Variants in MEGF6 observed in about 807,000 individuals in gnomAD.
The protein encoded by MEGF6 is multiple EGF like domains 6, also known as multiple epidermal growth factor-like domains protein 6.
In MEGF6, 184 loss-of-function variants were observed where a neutral mutation model predicts 207.1. That is an observed-to-expected ratio of 0.89 (90% CI 0.79 to 1.00). The LOEUF (loss-of-function observed/expected upper bound fraction) is 1.00. Ranked by LOEUF, MEGF6 falls within the 50% of genes least tolerant of loss-of-function variation. MEGF6 has a pLI of 0.00. For missense variants in MEGF6, 2,282 were observed against 2,202.9 expected (o/e 1.04, Z -0.72); for synonymous variants, 1,038 against 910.0 (o/e 1.14, Z -2.53).
intron 3 of MEGF6, among the ~76,000 whole-genome samples, chr1:3,581,129 C>G (rs926441332): frequency 6.6e-6 from 1 of 152,158 alleles, no homozygotes; most frequent in African/African-American, 2.4e-5. Context: ...ATGACCGGCT[C>G]GGGCTTCAGG....
intron 4 of MEGF6, among the ~76,000 whole-genome samples, chr1:3,553,014 TC>T (rs1159412337): frequency 6.6e-6 from 1 of 151,822 alleles, no homozygotes; most frequent in Non-Finnish European, 1.5e-5. Context: ...CAGCCCCTAA[TC>T]CCCTCCAGAC....
At position 3,494,137 on chromosome 1, in the gene MEGF6, G is replaced by A. The variant is rs754913156; in HGVS notation, c.4130-13C>T. ...CCAGGGGGACAGGCTGAAGGACGCC[G>A]GTTACCACGAGACAAGGGCACACGG... On this transcript the variant is annotated splice_polypyrimidine_tract_variant and intron_variant, in intron 32 of 36. Coordinates refer to ENST00000356575, the MANE Select transcript of MEGF6 (RefSeq NM_001409.4). 1.9e-5 allele frequency: 30 copies of A among 1,541,772 alleles called. No individual in the cohort carries two copies. Among genetic ancestry groups the A allele is most frequent in the Admixed American group, 1.4e-4 (7 of 50,962 alleles).
chr1:3,520,948 T>C (rs1460945359), intron 5 of MEGF6, among the ~76,000 whole-genome samples: 1 of 152,074 alleles, frequency 6.6e-6, no homozygotes, highest in African/African-American at 2.4e-5. Flanking sequence ...CCCTGAGAGC[T>C]CTGGCCCCAT....
intron 4 of MEGF6, among the ~76,000 whole-genome samples, chr1:3,569,050 G>A (rs547549444): frequency 1.3e-5 from 2 of 152,324 alleles, no homozygotes; most frequent in African/African-American, 4.8e-5. Context: ...GGGTCTGCCA[G>A]AGGCCAGGGC....
chr1:3,520,554 G>A (rs556646037), intron 5 of MEGF6, among the ~76,000 whole-genome samples: 2 of 152,128 alleles, frequency 1.3e-5, no homozygotes, highest in Non-Finnish European at 2.9e-5. Flanking sequence ...GAGACCGGGC[G>A]CCCTGGGCAA....
intron 5 of MEGF6, among the ~76,000 whole-genome samples, chr1:3,521,934 G>T (rs980248095): frequency 6.6e-6 from 1 of 152,172 alleles, no homozygotes; most frequent in Non-Finnish European, 1.5e-5. Flanking sequence ...CAGGCCAGGG[G>T]TCGCCAGGCC....
chr1:3,498,087 G>A (rs1374272374), intron 26 of MEGF6, among the ~76,000 whole-genome samples: 4 of 152,230 alleles, frequency 2.6e-5, no homozygotes, highest in South Asian at 2.1e-4. Context: ...AAACAGGAAC[G>A]GCCCCCTGAG....
intron 7 of MEGF6, 63 bp from the exon 8 acceptor site, chr1:3,512,191 G>A: frequency 3.9e-6 from 6 of 1,534,008 alleles, no homozygotes; most frequent in Middle Eastern, 1.8e-4. Context: ...CATGGGACCA[G>A]TGGAAGACAG....
At chr1:3,538,842 G>A (rs773947569) in intron 4 of MEGF6, among the ~76,000 whole-genome samples, 1 of 152,106 alleles carries the variant, frequency 6.6e-6, no homozygotes, top group African/African-American at 2.4e-5. Context: ...CACAGCACCC[G>A]CTGGGGATGT....
At chr1:3,606,366 A>G (rs1019484661) in intron 1 of MEGF6, among the ~76,000 whole-genome samples, 4 of 152,158 alleles carry the variant, frequency 2.6e-5, no homozygotes, top group African/African-American at 9.7e-5. Context: ...GCTGGAGCAC[A>G]CTCAAGCTTG....
Position 3,494,848 on chromosome 1 carries a change from C to T in MEGF6, c.3872-107G>A, listed in dbSNP as rs966446219. 175 of 1,419,474 alleles carry T rather than the reference C, an allele frequency of 1.2e-4. 1 individual carries two copies. Among genetic ancestry groups the T allele is most frequent in the Non-Finnish European group, 1.6e-4 (173 of 1,075,758 alleles). 87.9% of individuals were successfully genotyped at this position (1,419,474 alleles called of 1,614,324 possible). On this transcript the variant is annotated intron_variant, in intron 30 of 36. Coordinates refer to ENST00000356575, the MANE Select transcript of MEGF6 (RefSeq NM_001409.4). The stretch of plus-strand genomic sequence containing the variant: ...GTCACTCGGTAAATGCTTCCTGAGG[C>T]CCATCAGTGCCAGTCTCTGCCTGCT...
chr1:3,531,359 C>T (rs961722452), intron 4 of MEGF6: 3 of 1,187,978 alleles, frequency 2.5e-6, no homozygotes, highest in South Asian at 8.2e-5. Context: ...CGGGCGGGCG[C>T]GCAATCCCAG....
intron 4 of MEGF6, among the ~76,000 whole-genome samples, chr1:3,529,256 G>A (rs1642066806): frequency 6.6e-6 from 1 of 152,172 alleles, no homozygotes; most frequent in Admixed American, 6.5e-5. Context: ...CAGTGTGGGG[G>A]CCTGAGCCTG....
chr1:3,534,866 G>A (rs1165637948), intron 4 of MEGF6, among the ~76,000 whole-genome samples: 3 of 152,060 alleles, frequency 2.0e-5, no homozygotes, highest in Admixed American at 2.0e-4. Flanking sequence ...CCATCTGGGG[G>A]CCACCACTCC....
At chr1:3,561,540 G>A (rs374074702) in intron 4 of MEGF6, among the ~76,000 whole-genome samples, 4 of 152,294 alleles carry the variant, frequency 2.6e-5, no homozygotes, top group Non-Finnish European at 4.4e-5. Flanking sequence ...CTGGATGGTC[G>A]GGGACCATGC....
chr1:3,564,850 C>G (rs539434073), intron 4 of MEGF6, among the ~76,000 whole-genome samples: 1 of 152,282 alleles, frequency 6.6e-6, no homozygotes, highest in South Asian at 2.1e-4. Context: ...GACCTCCCCT[C>G]CTGTGAGGCC....
chr1:3,569,289 C>T (rs1643434055), intron 4 of MEGF6, among the ~76,000 whole-genome samples: 1 of 152,268 alleles, frequency 6.6e-6, no homozygotes, highest in Non-Finnish European at 1.5e-5. Flanking sequence ...CGCCGCCCCT[C>T]AGCCGGGGCT....
chr1:3,552,263 C>G (rs1642911076), intron 4 of MEGF6, among the ~76,000 whole-genome samples: 1 of 152,230 alleles, frequency 6.6e-6, no homozygotes, highest in Non-Finnish European at 1.5e-5. Flanking sequence ...CAGGCAGGGC[C>G]TTCTCCCTGC....
At chr1:3,506,345 G>A (rs1641118825) in intron 14 of MEGF6, 109 bp from the exon 15 acceptor site, 2 of 1,380,628 alleles carry the variant, frequency 1.4e-6, no homozygotes, top group Non-Finnish European at 9.8e-7. Flanking sequence ...CAGGAGCTGG[G>A]AGCAGCCCCC....
Sources: gnomAD v4.1 joint callset for allele counts (sites outside exome capture counted in the v4.1 genomes callset) on GRCh38, gnomAD v4.1.1 for gene constraint, MANE v1.5 for transcripts, NCBI Gene and HGNC (gene_info 2026-07-23, HGNC 2026-07-21) for gene names.